LARGE1: variants seen among roughly 807,000 people sequenced by gnomAD.
The protein encoded by LARGE1 is xylosyl- and glucuronyltransferase LARGE1.
Under a neutral mutation model 87.6 loss-of-function variants are expected in LARGE1, and 43 were observed. That is an observed-to-expected ratio of 0.49 (90% CI 0.38 to 0.63). LARGE1 has a LOEUF of 0.63. Among genes scored for constraint, LARGE1 ranks in the 30% least tolerant of loss-of-function variants. The pLI is 0.00. For synonymous variants in LARGE1, 434 were observed against 394.6 expected (o/e 1.10, Z -1.18); for missense variants, 802 against 1,000.2 (o/e 0.80, Z 2.67).
chr22:33,624,921 C>G (rs973042172), intron 4 of LARGE1, among the ~76,000 whole-genome samples: 2 of 152,154 alleles, frequency 1.3e-5, no homozygotes, highest in Non-Finnish European at 2.9e-5. Context: ...GAGGGAGAAT[C>G]GCAAAGCACT....
At chr22:33,148,821 TA>T in the LARGE1 span, among the ~76,000 whole-genome samples, 159 of 152,294 alleles carry the variant, frequency 1.0e-3, no homozygotes, top group African/African-American at 3.6e-3. Flanking sequence ...CCCTACTGGC[TA>T]AAAATATTAA....
Position 33,677,736 on chromosome 22 carries a change from T to C in LARGE1, c.107-27068A>G, listed in dbSNP as rs187914890. On this transcript the variant is annotated intron_variant, in intron 2 of 14. Transcript: ENST00000397394. ...AAGGATGCCTGCCAAAGTGGTACCA[T>C]TGCCCTGAGTCAGCCTCTCCTGTCC... Among the ~76,000 whole-genome samples, 10 of 139,714 alleles carry C rather than the reference T, an allele frequency of 7.2e-5. No individual in the cohort carries two copies. The East Asian group carries it at 1.6e-3, about 23-fold the overall frequency. The allele number at this position is 139,714 out of a possible 152,430, so 91.7% of individuals were successfully genotyped here.
intron 11 of LARGE1, among the ~76,000 whole-genome samples, chr22:33,196,502 T>C (rs1924090270): frequency 6.6e-6 from 1 of 152,126 alleles, no homozygotes; most frequent in African/African-American, 2.4e-5. Flanking sequence ...AATTTGTAAT[T>C]AAAAATTATT....
At chr22:33,357,486 G>A (rs1005068431) in intron 9 of LARGE1, among the ~76,000 whole-genome samples, 3 of 152,130 alleles carry the variant, frequency 2.0e-5, no homozygotes, top group African/African-American at 7.2e-5. Context: ...AACTGCACTT[G>A]TACCACTTAA....
At chr22:33,358,739 C>T (rs1424141660) in intron 9 of LARGE1, among the ~76,000 whole-genome samples, 1 of 152,048 alleles carries the variant, frequency 6.6e-6, no homozygotes, top group Non-Finnish European at 1.5e-5. Context: ...TGGCTCACAG[C>T]ACTTTGGGAG....
At chr22:33,502,829 G>T (rs558443742) in intron 6 of LARGE1, among the ~76,000 whole-genome samples, 1 of 152,262 alleles carries the variant, frequency 6.6e-6, no homozygotes, top group African/African-American at 2.4e-5. Context: ...AGCCTCCCAA[G>T]CCACATGCTT....
chr22:33,490,033 C>T (rs1299406174), intron 6 of LARGE1, among the ~76,000 whole-genome samples: 2 of 152,228 alleles, frequency 1.3e-5, no homozygotes, highest in East Asian at 1.9e-4. Flanking sequence ...CCACTTTCTC[C>T]TCCTTTTCCA....
At chr22:33,574,502 T>A (rs927693040) in intron 5 of LARGE1, among the ~76,000 whole-genome samples, 7 of 151,956 alleles carry the variant, frequency 4.6e-5, no homozygotes, top group East Asian at 1.9e-4. Context: ...GAGATACGTA[T>A]AGCAGTGGTC....
chr22:33,089,314 T>TTCTTG, the LARGE1 span, among the ~76,000 whole-genome samples: 3 of 115,680 alleles, frequency 2.6e-5, no homozygotes, highest in Non-Finnish European at 5.6e-5. Context: ...CTTCTTCTTC[T>TTCTTG]TTCTTCTTTC....
intron 1 of LARGE1, among the ~76,000 whole-genome samples, chr22:33,777,701 G>A (rs573027809): frequency 6.6e-6 from 1 of 151,012 alleles, no homozygotes; most frequent in Admixed American, 6.6e-5. Context: ...AGGGAAGGCA[G>A]GGGAAGGGAA....
chr22:33,500,252 G>A (rs117793024), intron 6 of LARGE1, among the ~76,000 whole-genome samples: 3,518 of 152,200 alleles, frequency 0.023, 81 homozygotes, highest in Non-Finnish European at 0.033. Flanking sequence ...TGATTAGCAC[G>A]CTGCTTTGCC....
intron 2 of LARGE1, among the ~76,000 whole-genome samples, chr22:33,678,936 C>T (rs1041441983): frequency 2.6e-5 from 4 of 152,214 alleles, no homozygotes; most frequent in Admixed American, 6.5e-5. Context: ...GACAGCGATG[C>T]TTAACCCTGA....
intron 5 of LARGE1, among the ~76,000 whole-genome samples, chr22:33,573,308 G>A (rs1279369222): frequency 1.3e-5 from 2 of 151,992 alleles, no homozygotes; most frequent in Non-Finnish European, 2.9e-5. Context: ...GCGTGGTGGT[G>A]TGCGCATGTA....
At chr22:33,471,393 C>A (rs1201275044) in intron 6 of LARGE1, among the ~76,000 whole-genome samples, 1 of 152,014 alleles carries the variant, frequency 6.6e-6, no homozygotes, top group African/African-American at 2.4e-5. Flanking sequence ...CCCCGAACAA[C>A]CCCACAAAGT....
At chr22:33,780,173 C>G (rs1308436122) in intron 1 of LARGE1, among the ~76,000 whole-genome samples, 3 of 152,206 alleles carry the variant, frequency 2.0e-5, no homozygotes, top group Non-Finnish European at 2.9e-5. Context: ...TACAAGGACG[C>G]TGGTTGTAAT....
chr22:33,709,546 A>G (rs1334647171), intron 2 of LARGE1, among the ~76,000 whole-genome samples: 1 of 151,854 alleles, frequency 6.6e-6, no homozygotes, highest in Non-Finnish European at 1.5e-5. Flanking sequence ...CGCTTCCTTC[A>G]TAACTCATTC....
intron 6 of LARGE1, among the ~76,000 whole-genome samples, chr22:33,464,291 TAAG>T (rs2068498845): frequency 6.6e-6 from 1 of 152,046 alleles, no homozygotes; most frequent in South Asian, 2.1e-4. Flanking sequence ...TAGAATACAA[TAAG>T]AAGAGTATTT....
chr22:33,781,884 C>T lies in LARGE1; in HGVS notation c.-82-20326G>A, dbSNP rs528213271. Among the ~76,000 whole-genome samples, 24 of 152,192 alleles carry T rather than the reference C, an allele frequency of 1.6e-4. 1 individual carries two copies. In the South Asian group the frequency reaches 5.0e-3, roughly 32 times the overall value. On this transcript the variant is annotated intron_variant, in intron 1 of 14. Coordinates refer to ENST00000397394, the MANE Select transcript of LARGE1 (RefSeq NM_133642.5). ...TGCCAGCTCCGTGGATAACAGAAAG[C>T]AGCAAGAGACTGAAAGAACCAGCAC...
At chr22:33,782,064 TCAGA>T (rs1172618873) in intron 1 of LARGE1, among the ~76,000 whole-genome samples, 3 of 152,166 alleles carry the variant, frequency 2.0e-5, no homozygotes, top group Non-Finnish European at 4.4e-5. Context: ...AAAATGAGGC[TCAGA>T]CAAAGAATTG....
Sources: allele counts gnomAD v4.1 joint callset (sites outside exome capture counted in the v4.1 genomes callset), GRCh38; gene constraint gnomAD v4.1.1; transcripts MANE v1.5; gene names NCBI Gene and HGNC (gene_info 2026-07-23, HGNC 2026-07-21).